Variants in LNP1 observed in about 807,000 individuals in gnomAD.
LNP1 encodes the protein leukemia NUP98 fusion partner 1.
In LNP1, 12 loss-of-function variants were observed where a neutral mutation model predicts 14.5. The observed-to-expected ratio is 0.83, with a 90% CI of 0.53 to 1.34. The LOEUF (loss-of-function observed/expected upper bound fraction) is 1.34. Among genes scored for constraint, LNP1 ranks in the 40% most tolerant of loss-of-function variants. The probability of loss-of-function intolerance (pLI) is 0.00; values close to 1 mark genes in which losing one functional copy is unlikely to be tolerated. For synonymous variants in LNP1, 75 were observed against 71.4 expected (o/e 1.05, Z -0.26); for missense variants, 198 against 210.9 (o/e 0.94, Z 0.38).
chr3:100,452,242 GC>G (rs1349341267), intron 3 of LNP1, among the ~76,000 whole-genome samples: 2 of 117,560 alleles, frequency 1.7e-5, no homozygotes, highest in Non-Finnish European at 3.3e-5. Context: ...TTACTCTGTT[GC>G]CCAGGCTGGA....
intron 1 of LNP1, among the ~76,000 whole-genome samples, chr3:100,416,846 ATG>A (rs1707089343): frequency 6.6e-6 from 1 of 151,492 alleles, no homozygotes; most frequent in South Asian, 2.1e-4. Context: ...TAAGCCCCGC[ATG>A]CATTAGGTAT....
chr3:100,403,705 C>T (rs901542513), intron 1 of LNP1, among the ~76,000 whole-genome samples: 6 of 152,168 alleles, frequency 3.9e-5, no homozygotes, highest in African/African-American at 1.4e-4. Context: ...TCCCAAAGTG[C>T]TGGGAATACA....
chr3:100,439,469 C>T (rs185663528), intron 2 of LNP1, among the ~76,000 whole-genome samples: 2 of 152,278 alleles, frequency 1.3e-5, no homozygotes, highest in Admixed American at 6.5e-5. Context: ...CAAGCTTCTT[C>T]CATGGCAGTG....
At chr3:100,437,597 A>G (rs1707304205) in intron 2 of LNP1, among the ~76,000 whole-genome samples, 1 of 152,176 alleles carries the variant, frequency 6.6e-6, no homozygotes, top group African/African-American at 2.4e-5. Context: ...GAATATTTGA[A>G]TGTTTTCCCT....
chr3:100,419,923 A>G (rs1301178334), intron 1 of LNP1, among the ~76,000 whole-genome samples: 1 of 152,114 alleles, frequency 6.6e-6, no homozygotes, highest in Non-Finnish European at 1.5e-5. Context: ...TGGTAGATGT[A>G]TTTTTTGTTT....
At chr3:100,409,804 G>A (rs1707011590) in intron 1 of LNP1, among the ~76,000 whole-genome samples, 4 of 150,892 alleles carry the variant, frequency 2.7e-5, no homozygotes, top group South Asian at 2.1e-4. Flanking sequence ...CATATTGGCC[G>A]GGCTGGTGTT....
At chr3:100,420,931 A>G (rs1379143982) in intron 1 of LNP1, among the ~76,000 whole-genome samples, 1 of 151,926 alleles carries the variant, frequency 6.6e-6, no homozygotes, top group Non-Finnish European at 1.5e-5. Flanking sequence ...ACAGTTTACA[A>G]TTTATATTTA....
At chr3:100,404,790 C>CG (rs1559838210) in intron 1 of LNP1, among the ~76,000 whole-genome samples, 1,608 of 113,098 alleles carry the variant, frequency 0.014, 33 homozygotes, top group African/African-American at 0.079. Flanking sequence ...TTTGTGTTAT[C>CG]CTTTTTTTTT....
intron 1 of LNP1, among the ~76,000 whole-genome samples, chr3:100,404,765 C>T (rs1196716697): frequency 6.6e-6 from 1 of 150,850 alleles, no homozygotes; most frequent in Non-Finnish European, 1.5e-5. Flanking sequence ...TCATTTTCCC[C>T]ACTCATTCTT....
At chr3:100,452,038 T>C (rs965019150) in intron 3 of LNP1, 89 bp downstream of exon 3, 3 of 726,310 alleles carry the variant, frequency 4.1e-6, no homozygotes, top group Admixed American at 2.9e-5. Context: ...GGAACAAATG[T>C]AACTTCTTCA....
chr3:100,443,708 AG>A (rs1445253225), intron 2 of LNP1, among the ~76,000 whole-genome samples: 1 of 152,236 alleles, frequency 6.6e-6, no homozygotes, highest in African/African-American at 2.4e-5. Flanking sequence ...GATTCCTTAA[AG>A]GAAAGCACAC....
chr3:100,425,259 G>GGTTT (rs1329743089), intron 1 of LNP1, among the ~76,000 whole-genome samples: 1 of 152,180 alleles, frequency 6.6e-6, no homozygotes, highest in African/African-American at 2.4e-5. Flanking sequence ...TTCAGCCTAT[G>GGTTT]GTTTCCCTGT....
rs115610546 is a variant in LNP1, at chr3:100,420,873, C to G, written c.-33-8824C>G. 6.0e-3 allele frequency among the ~76,000 whole-genome samples: 907 copies of G among 151,640 alleles called. 7 individuals carry two copies. The highest frequency in any genetic ancestry group is 9.1e-3 in the Admixed American group (138 of 15,234). On this transcript the variant is annotated intron_variant, in intron 1 of 3. Transcript: ENST00000383693. ...CAAGTCTAAGAACTCTTGCCTAGCT[C>G]TTGATCCCAAAGATTTTCTCCCATG... is the stretch of plus-strand genomic sequence containing the variant.
intron 1 of LNP1, among the ~76,000 whole-genome samples, chr3:100,404,942 G>A (rs1706949042): frequency 1.3e-5 from 2 of 151,720 alleles, no homozygotes; most frequent in Non-Finnish European, 2.9e-5. Flanking sequence ...ACTGGCGCCC[G>A]CCACCACACC....
In LNP1 at chr3:100,455,865, C is replaced by T; in HGVS notation, c.476C>T (p.Ser159Phe). 4 of 1,613,972 alleles carry T rather than the reference C, an allele frequency of 2.5e-6. No homozygotes were observed. Among genetic ancestry groups the T allele is most frequent in the Non-Finnish European group, 3.4e-6 (4 of 1,179,894 alleles). The change falls in exon 4 of 4, where the codon TCT becomes TTT. Residue 159 changes from serine to phenylalanine, a missense_variant. Ser to Phe is a radical substitution (Grantham distance 155). Coordinates refer to ENST00000383693, the MANE Select transcript of LNP1 (RefSeq NM_001085451.2). ...AAGAAAGTAGAGGAAGAAAGGAGCT[C>T]TAGGAAAGAAGAGCATGGAGAAGCA... ...SRKKVEEERSSRKEEHGEAHM... is the reference protein window; with the variant it reads ...SRKKVEEERSFRKEEHGEAHM...
chr3:100,452,568 T>C (rs927153164), intron 3 of LNP1, among the ~76,000 whole-genome samples: 4 of 152,098 alleles, frequency 2.6e-5, no homozygotes, highest in African/African-American at 9.7e-5. Flanking sequence ...TCATTCCCCT[T>C]TTACAATTTG....
chr3:100,405,381 TAA>T (rs1381112229), intron 1 of LNP1, among the ~76,000 whole-genome samples: 1 of 152,224 alleles, frequency 6.6e-6, no homozygotes, highest in Non-Finnish European at 1.5e-5. Context: ...AGATACTCAA[TAA>T]ATAGTTTCTT....
chr3:100,406,256 A>G (rs1043063660), intron 1 of LNP1, among the ~76,000 whole-genome samples: 1 of 152,074 alleles, frequency 6.6e-6, no homozygotes, highest in Non-Finnish European at 1.5e-5. Context: ...ATTATACTCC[A>G]GCCTGGGTGA....
At chr3:100,440,009 C>G (rs1033898655) in intron 2 of LNP1, among the ~76,000 whole-genome samples, 3 of 152,172 alleles carry the variant, frequency 2.0e-5, no homozygotes. Flanking sequence ...TATTTTCTTA[C>G]AGTTCTGGAG....
Sources: allele counts gnomAD v4.1 joint callset (sites outside exome capture counted in the v4.1 genomes callset), GRCh38; gene constraint gnomAD v4.1.1; transcripts MANE v1.5; gene names NCBI Gene and HGNC (gene_info 2026-07-23, HGNC 2026-07-21).